The following EVI5 variants were observed in gnomAD, a reference collection of about 807,000 sequenced individuals.
The protein encoded by EVI5 is ecotropic viral integration site 5, also known as ecotropic viral integration site 5 protein homolog.
Under a neutral mutation model 112.0 loss-of-function variants are expected in EVI5, and 73 were observed. The ratio of observed to expected loss-of-function variants is 0.65; its 90% confidence interval spans 0.54 to 0.79. The LOEUF is 0.79. Ranked by LOEUF, EVI5 falls within the 30% of genes least tolerant of loss-of-function variation. The pLI is 0.00. For synonymous variants in EVI5, 305 were observed against 319.9 expected (o/e 0.95, Z 0.50); for missense variants, 900 against 968.8 (o/e 0.93, Z 0.94).
intron 16 of EVI5, among the ~76,000 whole-genome samples, chr1:92,620,572 A>C (rs1654320990): frequency 1.3e-5 from 2 of 152,160 alleles, no homozygotes; most frequent in African/African-American, 2.4e-5. Flanking sequence ...GAATTACAAC[A>C]GAATCCTGGC....
At chr1:92,647,255 C>G (rs1661146957) in intron 13 of EVI5, 1 of 176,614 alleles carries the variant, frequency 5.7e-6, no homozygotes, top group Non-Finnish European at 1.2e-5. Context: ...TTTAAGTTAT[C>G]CCACACCTCA....
intron 2 of EVI5, among the ~76,000 whole-genome samples, chr1:92,708,239 C>T (rs550013180): frequency 1.5e-4 from 22 of 151,456 alleles, no homozygotes; most frequent in East Asian, 5.8e-4. Context: ...AAAATACTTG[C>T]GAATCATAAG....
intron 16 of EVI5, among the ~76,000 whole-genome samples, chr1:92,618,176 C>T (rs777371741): frequency 1.4e-4 from 22 of 152,160 alleles, no homozygotes; most frequent in Non-Finnish European, 2.6e-4. Flanking sequence ...CCCATAGCCA[C>T]GATTCACGGG....
intron 18 of EVI5, among the ~76,000 whole-genome samples, chr1:92,578,428 T>C (rs548547160): frequency 1.1e-4 from 17 of 152,158 alleles, no homozygotes; most frequent in African/African-American, 3.6e-4. Flanking sequence ...CCAAAAGCAC[T>C]AGAGATTTAA....
rs1224079844 is a variant in EVI5, at chr1:92,647,672, C to T, written c.1393-11336G>A. 9 of 296,252 alleles carry T rather than the reference C, an allele frequency of 3.0e-5. No individual in the cohort carries two copies. In the East Asian group the frequency reaches 4.7e-4, roughly 15 times the overall value. The allele number at this position is 296,252 out of a possible 1,614,324, so 18.4% of individuals were successfully genotyped here. A position where few individuals can be genotyped will look rare whatever the true frequency, so the allele number is the denominator to read the frequency against. On this transcript the variant is annotated intron_variant, in intron 13 of 19. Coordinates refer to ENST00000684568, the MANE Select transcript of EVI5 (RefSeq NM_001350197.2). ...ACTAAATTGCTTCTTCCTTCCTGGTCACCTAGCAAGAGGGAAGGTGAAGGG... is the reference window on the plus strand; with the variant it reads ...ACTAAATTGCTTCTTCCTTCCTGGTTACCTAGCAAGAGGGAAGGTGAAGGG...
chr1:92,612,144 T>C (rs1004153779), intron 16 of EVI5, among the ~76,000 whole-genome samples: 1 of 152,144 alleles, frequency 6.6e-6, no homozygotes, highest in Non-Finnish European at 1.5e-5. Flanking sequence ...TGACTAAGTT[T>C]AGACTTTGTT....
intron 1 of EVI5, among the ~76,000 whole-genome samples, chr1:92,783,571 T>A (rs1182175114): frequency 6.6e-6 from 1 of 150,890 alleles, no homozygotes; most frequent in Non-Finnish European, 1.5e-5. Flanking sequence ...CCCAACACTT[T>A]GGGAGGCTGA....
chr1:92,518,466 C>T (rs1286655433), intron 19 of EVI5, among the ~76,000 whole-genome samples: 3 of 151,952 alleles, frequency 2.0e-5, no homozygotes, highest in Admixed American at 2.0e-4. Context: ...CTGGGATTCC[C>T]CCCAAAAGGA....
intron 16 of EVI5, among the ~76,000 whole-genome samples, chr1:92,607,947 C>A (rs564303278): frequency 6.6e-6 from 1 of 151,812 alleles, no homozygotes; most frequent in African/African-American, 2.4e-5. Flanking sequence ...AGATCAAGAC[C>A]ATCCCGGCTA....
chr1:92,563,998 C>G (rs1669026149), intron 18 of EVI5, among the ~76,000 whole-genome samples: 1 of 152,244 alleles, frequency 6.6e-6, no homozygotes, highest in Non-Finnish European at 1.5e-5. Context: ...TCTCGGCTCA[C>G]CGCAACCTCT....
chr1:92,596,884 G>T (rs894942672), intron 18 of EVI5, among the ~76,000 whole-genome samples: 4 of 152,148 alleles, frequency 2.6e-5, no homozygotes, highest in Non-Finnish European at 5.9e-5. Context: ...TAGTTTGGTT[G>T]TAATTTTGGG....
chr1:92,772,011 C>T (rs1171408541), intron 1 of EVI5, among the ~76,000 whole-genome samples: 1 of 151,836 alleles, frequency 6.6e-6, no homozygotes, highest in African/African-American at 2.4e-5. Context: ...CACACCACCA[C>T]GCCCAGCTAA....
At chr1:92,780,280 T>G (rs775324028) in intron 1 of EVI5, among the ~76,000 whole-genome samples, 1 of 152,226 alleles carries the variant, frequency 6.6e-6, no homozygotes, top group Non-Finnish European at 1.5e-5. Context: ...TACACCTCTT[T>G]TCTTTATAAA....
At chr1:92,768,180 T>G (rs1024117669) in intron 1 of EVI5, among the ~76,000 whole-genome samples, 7 of 151,288 alleles carry the variant, frequency 4.6e-5, no homozygotes, top group Non-Finnish European at 8.8e-5. Flanking sequence ...TGCACTATAA[T>G]AGAAAACTAA....
At chr1:92,734,928 G>A (rs1677090472) in intron 2 of EVI5, among the ~76,000 whole-genome samples, 1 of 152,040 alleles carries the variant, frequency 6.6e-6, no homozygotes, top group African/African-American at 2.4e-5. Flanking sequence ...ATTAAAACCA[G>A]AGATACTAAT....
intron 19 of EVI5, among the ~76,000 whole-genome samples, chr1:92,537,077 G>A (rs2101911593): frequency 6.6e-6 from 1 of 152,198 alleles, no homozygotes; most frequent in South Asian, 2.1e-4. Flanking sequence ...AGAATAAGAG[G>A]AAGGGCTGCA....
At chr1:92,732,799 C>T (rs1415160654) in intron 2 of EVI5, among the ~76,000 whole-genome samples, 2 of 147,922 alleles carry the variant, frequency 1.4e-5, no homozygotes, top group African/African-American at 5.0e-5. Flanking sequence ...ACTTGGGAGG[C>T]TGAGGGAGAA....
At chr1:92,666,603 G>C (rs1176105547) in intron 10 of EVI5, among the ~76,000 whole-genome samples, 2 of 138,988 alleles carry the variant, frequency 1.4e-5, no homozygotes, top group African/African-American at 2.7e-5. Context: ...GAGGGGAGGG[G>C]AGGGGAAGGG....
chr1:92,624,748 A>C (rs1427344657), intron 15 of EVI5, among the ~76,000 whole-genome samples: 1 of 150,842 alleles, frequency 6.6e-6, no homozygotes, highest in Non-Finnish European at 1.5e-5. Flanking sequence ...GAGAGACCTG[A>C]GAAGAAAGAC....
Sources: gnomAD v4.1 joint callset for allele counts (sites outside exome capture counted in the v4.1 genomes callset) on GRCh38, gnomAD v4.1.1 for gene constraint, MANE v1.5 for transcripts, NCBI Gene and HGNC (gene_info 2026-07-23, HGNC 2026-07-21) for gene names.